The following ELMO1 variants were observed in gnomAD, a reference collection of about 807,000 sequenced individuals.
ELMO1 encodes the protein engulfment and cell motility 1.
ELMO1 carries 26 observed loss-of-function variants against 98.9 expected under a neutral mutation model. The ratio of observed to expected loss-of-function variants is 0.26; its 90% CI spans 0.19 to 0.36. ELMO1 has a LOEUF of 0.36. ELMO1 is among the 10% of genes least tolerant of loss of function. The pLI is 1.00. For missense variants in ELMO1, 627 were observed against 935.2 expected, an observed-to-expected ratio of 0.67 and a Z score of 4.30; for synonymous variants, 346 against 346.0, an observed-to-expected ratio of 1.00 and a Z score of 0.00.
At chr7:36,924,761 G>C (rs11976151) in intron 16 of ELMO1, among the ~76,000 whole-genome samples, 7,525 of 152,182 alleles carry the variant, frequency 0.049, 337 homozygotes, top group East Asian at 0.24. Flanking sequence ...CCCCCATGGT[G>C]GGGGGTGGCA....
At chr7:37,258,900 T>C (rs1394373982) in intron 6 of ELMO1, among the ~76,000 whole-genome samples, 1 of 151,994 alleles carries the variant, frequency 6.6e-6, no homozygotes, top group East Asian at 1.9e-4. Context: ...GCCAAGGCCC[T>C]CTGAGATAAT....
chr7:37,443,795 T>C (rs1470178262), intron 1 of ELMO1, among the ~76,000 whole-genome samples: 1 of 152,234 alleles, frequency 6.6e-6, no homozygotes, highest in African/African-American at 2.4e-5. Flanking sequence ...CTAAAAATGC[T>C]GTGCTGGCAT....
chr7:37,038,000 C>T (rs1584548440), intron 15 of ELMO1, among the ~76,000 whole-genome samples: 1 of 152,154 alleles, frequency 6.6e-6, no homozygotes, highest in Middle Eastern at 3.4e-3. Flanking sequence ...AACACAGATA[C>T]CATGTTTGAG....
At chr7:37,232,676 C>T (rs1483142721) in intron 8 of ELMO1, among the ~76,000 whole-genome samples, 1 of 152,206 alleles carries the variant, frequency 6.6e-6, no homozygotes, top group Non-Finnish European at 1.5e-5. Flanking sequence ...TTTCATATAA[C>T]CCTGCTTCAA....
chr7:37,376,705 G>A (rs1050547642), intron 1 of ELMO1, among the ~76,000 whole-genome samples: 65 of 152,142 alleles, frequency 4.3e-4, no homozygotes, highest in African/African-American at 1.5e-3. Flanking sequence ...CTTTAAAAAC[G>A]CTAGCCTCCA....
In ELMO1 at chr7:36,855,184, G is replaced by A. The variant is rs576773469; in HGVS notation, c.*367C>T. The A allele has an allele frequency of 3.5e-5, 10 of 281,980 alleles. No homozygotes were observed. Among genetic ancestry groups the A allele is most frequent in the South Asian group, 3.3e-4 (8 of 23,928 alleles). 17.5% of individuals were successfully genotyped at this position (281,980 alleles called of 1,614,324 possible). A position where few individuals can be genotyped will look rare whatever the true frequency, so the allele number is the denominator to read the frequency against. On this transcript the variant is annotated 3_prime_UTR_variant, in exon 22 of 22. Coordinates refer to ENST00000310758, the MANE Select transcript of ELMO1 (RefSeq NM_014800.11). This position sits in a 1 kb window ranked among gnomAD's most constrained non-coding sequence, Gnocchi z 4.2. ...GCACTGCCCTTGGTCTGGTGGGCAA[G>A]TTTTTGGGCAGTCTGGGGCTGCTGG...
intron 16 of ELMO1, among the ~76,000 whole-genome samples, chr7:36,905,449 G>A (rs1562812776): frequency 6.6e-6 from 1 of 152,184 alleles, no homozygotes; most frequent in Admixed American, 6.5e-5. Context: ...TTCCATTGAA[G>A]AAGTACCTGA....
intron 15 of ELMO1, among the ~76,000 whole-genome samples, chr7:37,051,756 A>G (rs1796120886): frequency 6.6e-6 from 1 of 152,278 alleles, no homozygotes; most frequent in South Asian, 2.1e-4. Context: ...TATGAAACTT[A>G]AATGGTTTGT....
At position 37,437,732 on chromosome 7, in the gene ELMO1, G is replaced by A; in HGVS notation, c.-74+10943C>T. Among the ~76,000 whole-genome samples, 2 of 11,314 alleles carry A rather than the reference G, an allele frequency of 1.8e-4. 1 individual carries two copies. The allele number at this position is 11,314 out of a possible 152,430, so 7.4% of individuals were successfully genotyped here. ...CGCCTGTAATCCCAGCACTTTGGGA[G>A]GCCGAGGCGGGTGGATCATGAGGTC... is the stretch of plus-strand genomic sequence containing the variant. On this transcript the variant is annotated intron_variant, in intron 1 of 21. Coordinates refer to ENST00000310758, the MANE Select transcript of ELMO1 (RefSeq NM_014800.11).
At position 37,201,592 on chromosome 7, in the gene ELMO1, G is replaced by T. The variant is rs1170124199; in HGVS notation, c.1086+9794C>A. Among the ~76,000 whole-genome samples, 6 of 152,304 alleles carry T rather than the reference G, an allele frequency of 3.9e-5. No individual in the cohort carries two copies. In the East Asian group the frequency reaches 1.2e-3, roughly 29 times the overall value. On this transcript the variant is annotated intron_variant, in intron 13 of 21. Transcript: ENST00000310758. ...TAGTTCCTACCGGGTCCTGATGAAAGCTTTAGAGCCCTCTAAGGAGACCCC... is the reference window on the plus strand; with the variant it reads ...TAGTTCCTACCGGGTCCTGATGAAATCTTTAGAGCCCTCTAAGGAGACCCC...
chr7:37,013,549 C>A (rs943507406), intron 15 of ELMO1, 114 bp from the exon 16 acceptor site: 78 of 1,255,202 alleles, frequency 6.2e-5, no homozygotes, highest in Non-Finnish European at 8.2e-5. Context: ...TTGGTTCAGG[C>A]AATAATGGTG....
chr7:37,029,085 G>C (rs1794740702), intron 15 of ELMO1, among the ~76,000 whole-genome samples: 1 of 152,142 alleles, frequency 6.6e-6, no homozygotes, highest in Non-Finnish European at 1.5e-5. Flanking sequence ...CACAGCCAGA[G>C]AGAGGCAGAG....
At chr7:36,861,189 A>G (rs1802600365) in intron 21 of ELMO1, among the ~76,000 whole-genome samples, 1 of 152,246 alleles carries the variant, frequency 6.6e-6, no homozygotes, top group Non-Finnish European at 1.5e-5. Flanking sequence ...ACAAGATGTC[A>G]GAAAGGAATA....
chr7:37,400,848 G>GA (rs911158907), intron 1 of ELMO1, among the ~76,000 whole-genome samples: 30 of 152,114 alleles, frequency 2.0e-4, no homozygotes, highest in African/African-American at 7.2e-4. Flanking sequence ...TAGGACAGAA[G>GA]AAAAAACAAT....
chr7:37,419,054 G>A (rs935166022), intron 1 of ELMO1, among the ~76,000 whole-genome samples: 7 of 152,070 alleles, frequency 4.6e-5, no homozygotes, highest in Non-Finnish European at 1.0e-4. Flanking sequence ...GACTGAGCCC[G>A]CAGAGGAGGA....
intron 7 of ELMO1, among the ~76,000 whole-genome samples, chr7:37,238,886 T>C (rs909523174): frequency 1.2e-4 from 19 of 152,232 alleles, no homozygotes; most frequent in African/African-American, 4.1e-4. Context: ...GATAAGCTCT[T>C]ATTGATCACA....
At chr7:36,986,857 T>C (rs1182360698) in intron 16 of ELMO1, among the ~76,000 whole-genome samples, 1 of 152,284 alleles carries the variant, frequency 6.6e-6, no homozygotes, top group Admixed American at 6.5e-5. Flanking sequence ...GGAGGATTTA[T>C]ACTCTAATTC....
At chr7:36,935,790 C>T (rs941424669) in intron 16 of ELMO1, among the ~76,000 whole-genome samples, 2 of 152,126 alleles carry the variant, frequency 1.3e-5, no homozygotes, top group Non-Finnish European at 1.5e-5. Context: ...AATGGCTGGC[C>T]CCTCCAGTAA....
chr7:36,926,039 T>C (rs1246023979), intron 16 of ELMO1, among the ~76,000 whole-genome samples: 2 of 152,182 alleles, frequency 1.3e-5, no homozygotes, highest in Admixed American at 1.3e-4. Context: ...TCCCTCCAAG[T>C]CCCCTTCATC....
Sources: gnomAD v4.1 joint callset for allele counts (sites outside exome capture counted in the v4.1 genomes callset) on GRCh38, gnomAD v4.1.1 for gene constraint, Gnocchi (gnomAD v3.1) non-coding constraint, MANE v1.5 for transcripts, NCBI Gene and HGNC (gene_info 2026-07-23, HGNC 2026-07-21) for gene names.